The following ZNF180 variants were observed in gnomAD, a reference collection of about 807,000 sequenced individuals.
The protein encoded by ZNF180 is zinc finger protein 180 (HHZ168).
A neutral mutation model predicts 11.8 loss-of-function variants in ZNF180; 11 were observed. That is an observed-to-expected ratio of 0.93 (90% CI 0.59 to 1.55). The LOEUF (loss-of-function observed/expected upper bound fraction) is 1.55, where lower values mean the gene tolerates loss of function less well. Ranked by LOEUF, ZNF180 falls within the 40% of genes most tolerant of loss-of-function variation. The pLI, the probability that ZNF180 is intolerant of heterozygous loss-of-function variation, is 0.00. For missense variants in ZNF180, 773 were observed against 781.7 expected (o/e 0.99, Z 0.13); for synonymous variants, 287 against 257.7 (o/e 1.11, Z -1.09).
intron 1 of ZNF180, among the ~76,000 whole-genome samples, chr19:44,498,804 G>A (rs1266966044): frequency 6.6e-6 from 1 of 152,110 alleles, no homozygotes; most frequent in Non-Finnish European, 1.5e-5. Context: ...GCAGAGTGTT[G>A]CTGGAGCAGC....
At chr19:44,481,366 G>A (rs1600074748) in intron 3 of ZNF180, among the ~76,000 whole-genome samples, 1 of 152,032 alleles carries the variant, frequency 6.6e-6, no homozygotes, top group Non-Finnish European at 1.5e-5. Context: ...TTAGCCCAAC[G>A]TGAAATTCAA....
At chr19:44,479,607 GT>G in intron 3 of ZNF180, 198 bp from the exon 4 acceptor site, 1 of 593,704 alleles carries the variant, frequency 1.7e-6, no homozygotes, top group Admixed American at 3.2e-5. Flanking sequence ...TGCTGGACCT[GT>G]TTTTACAACT....
In ZNF180 at chr19:44,476,999, T is replaced by C. The variant is rs1187672264; in HGVS notation, c.1401A>G (p.Glu467=). The change falls in exon 5 of 5, where the codon GAA becomes GAG. Residue 467 remains glutamate (E), a synonymous_variant. Transcript: ENST00000592529. ...QRIHTGEKPY[E]CNQCGKSFSQ... ...TAAAGGATTTCCCACACTGATTGCA[T>C]TCATAGGGTTTTTCCCCAGTATGAA... 5.0e-6 allele frequency: 8 copies of C among 1,614,146 alleles called. No homozygotes were observed. The highest frequency in any genetic ancestry group is 6.8e-6 in the Non-Finnish European group (8 of 1,180,022).
In ZNF180 at chr19:44,477,123, A is replaced by G. The variant is rs145899142; in HGVS notation, c.1277T>C (p.Ile426Thr). 1,445 of 1,613,042 alleles carry G rather than the reference A, an allele frequency of 9.0e-4. 2 individuals carry two copies. The highest frequency in any genetic ancestry group is 1.1e-3 in the Non-Finnish European group (1,352 of 1,179,214). Residue 426 changes from isoleucine to threonine, a missense_variant, in exon 5 of 5, where the codon ATT becomes ACT. Physicochemically the swap from Ile to Thr is moderately conservative, Grantham distance 89. Transcript: ENST00000592529. ...TCCGGTATGTGTTCTTTGATGTGCA[A>G]TAAGTTTATAGCTCTGCCTGAATGA... ...GKSFRQSYKL[I>T]AHQRTHTGEK... is the part of the protein sequence containing the mutation.
At chr19:44,481,361 C>G (rs988005378) in intron 3 of ZNF180, among the ~76,000 whole-genome samples, 2 of 152,042 alleles carry the variant, frequency 1.3e-5, no homozygotes, top group Non-Finnish European at 2.9e-5. Flanking sequence ...CATGATTAGC[C>G]CAACGTGAAA....
chr19:44,484,480 C>G (rs779375140), intron 2 of ZNF180, 45 bp from the exon 3 acceptor site: 3 of 1,440,398 alleles, frequency 2.1e-6, no homozygotes, highest in African/African-American at 2.8e-5. Context: ...AATCAGGGAG[C>G]TAAGTGGCAG....
At chr19:44,478,195 G>A (rs1311191009) in intron 4 of ZNF180, 49 bp from the exon 5 acceptor site, 1 of 1,460,792 alleles carries the variant, frequency 6.8e-7, no homozygotes. Context: ...ATTAGAGATG[G>A]AAAAATGGAA....
chr19:44,480,871 G>C (rs1174785395), intron 3 of ZNF180, among the ~76,000 whole-genome samples: 2 of 152,250 alleles, frequency 1.3e-5, no homozygotes, highest in African/African-American at 4.8e-5. Context: ...TTTTGGATTA[G>C]GGGTGCTTAG....
intron 2 of ZNF180, among the ~76,000 whole-genome samples, chr19:44,492,813 G>A (rs1970483602): frequency 6.6e-6 from 1 of 152,124 alleles, no homozygotes; most frequent in African/African-American, 2.4e-5. Context: ...CTATATCTGT[G>A]AGAACATTTA....
rs765926262 is a variant in ZNF180, at chr19:44,476,922, G to T, written c.1478C>A (p.Pro493His). 1 of 1,614,046 alleles carries T rather than the reference G, an allele frequency of 6.2e-7. No individual in the cohort carries two copies. The change falls in exon 5 of 5, where the codon CCC becomes CAC. Residue 493 changes from proline to histidine, a missense_variant. By Grantham distance (77) the Pro-to-His change is moderately conservative. Transcript: ENST00000592529. ...TTTCCCACACTGATTACATTCAAAG[G>T]GTTTTTCTCCTGTGTGAGTTCTCTG... ...AHQRTHTGEK[P>H]FECNQCGKSF... is the part of the protein sequence containing the mutation.
At chr19:44,498,201 C>T (rs1970640118) in intron 1 of ZNF180, among the ~76,000 whole-genome samples, 6 of 152,114 alleles carry the variant, frequency 3.9e-5, no homozygotes, top group Admixed American at 1.3e-4. Flanking sequence ...CCAACAGACA[C>T]CAGCACAAGC....
At position 44,477,928 on chromosome 19, in the gene ZNF180, T is replaced by A; in HGVS notation, c.472A>T (p.Ile158Phe). The A allele has an allele frequency of 6.2e-7, 1 of 1,614,026 alleles. No homozygotes were observed. The change falls in exon 5 of 5, where the codon ATT (isoleucine) becomes TTT (phenylalanine). Residue 158 changes from isoleucine to phenylalanine, a missense_variant. Coordinates refer to ENST00000592529, the MANE Select transcript of ZNF180 (RefSeq NM_001278509.3). ...TCACTTTTGCAGACTCTCTCATGAA[T>A]AACTGCTTTCCTTTGAGTGAATGCC... ...EVAFTQRKAV[I>F]HERVCKSDET... is the part of the protein sequence containing the mutation.
chr19:44,497,141 T>C, intron 2 of ZNF180, 143 bp downstream of exon 2: 1 of 506,494 alleles, frequency 2.0e-6, no homozygotes, highest in Non-Finnish European at 3.2e-6. Flanking sequence ...ATTCATAAAA[T>C]ATATAGTAAG....
At chr19:44,494,508 T>C (rs1242267307) in intron 2 of ZNF180, among the ~76,000 whole-genome samples, 1 of 151,320 alleles carries the variant, frequency 6.6e-6, no homozygotes, top group Non-Finnish European at 1.5e-5. Context: ...CTACAAAAAG[T>C]AAAAAATAAA....
intron 2 of ZNF180, among the ~76,000 whole-genome samples, chr19:44,494,957 C>T (rs1600096246): frequency 6.6e-6 from 1 of 152,110 alleles, no homozygotes; most frequent in African/African-American, 2.4e-5. Flanking sequence ...CAGCCCTCCG[C>T]GGACAGACAG....
chr19:44,491,783 G>A (rs962377820), intron 2 of ZNF180, among the ~76,000 whole-genome samples: 1 of 152,074 alleles, frequency 6.6e-6, no homozygotes, highest in Non-Finnish European at 1.5e-5. Flanking sequence ...TCACTATGTT[G>A]CTCAGGCTGG....
At chr19:44,484,120 G>A (rs866371582) in intron 3 of ZNF180, among the ~76,000 whole-genome samples, 5 of 150,838 alleles carry the variant, frequency 3.3e-5, no homozygotes, top group Non-Finnish European at 5.9e-5. Context: ...TCAGCCTCCC[G>A]AGTAGCTGAG....
intron 2 of ZNF180, among the ~76,000 whole-genome samples, chr19:44,492,984 G>A (rs554752874): frequency 8.5e-5 from 13 of 152,240 alleles, no homozygotes; most frequent in East Asian, 3.9e-4. Context: ...TCTAGAAGGC[G>A]TAAAACCAAT....
intron 2 of ZNF180, among the ~76,000 whole-genome samples, chr19:44,489,785 A>AAAATAAAT (rs370422385): frequency 2.1e-5 from 3 of 143,116 alleles, no homozygotes; most frequent in African/African-American, 7.6e-5. Context: ...GAAATGGGAA[A>AAAATAAAT]AAATAAATAA....
Sources: allele counts gnomAD v4.1 joint callset (sites outside exome capture counted in the v4.1 genomes callset), GRCh38; gene constraint gnomAD v4.1.1; transcripts MANE v1.5; gene names NCBI Gene and HGNC (gene_info 2026-07-23, HGNC 2026-07-21).